KIF16B: variants seen among roughly 807,000 people sequenced by gnomAD.
The protein encoded by KIF16B is kinesin-like protein KIF16B.
KIF16B carries 98 observed loss-of-function variants against 156.3 expected under a neutral mutation model. The observed-to-expected ratio is 0.63, with a 90% confidence interval of 0.53 to 0.74. The LOEUF (loss-of-function observed/expected upper bound fraction) is 0.74, where lower values mean the gene tolerates loss of function less well. Among genes scored for constraint, KIF16B ranks in the 30% least tolerant of loss-of-function variants. The probability of loss-of-function intolerance (pLI) is 0.00; values close to 1 mark genes in which losing one functional copy is unlikely to be tolerated. For synonymous variants in KIF16B, 564 were observed against 583.7 expected, an observed-to-expected ratio of 0.97 and a Z score of 0.49; for missense variants, 1,421 against 1,606.5, an observed-to-expected ratio of 0.88 and a Z score of 1.97.
intron 15 of KIF16B, among the ~76,000 whole-genome samples, chr20:16,418,856 T>TC: frequency 6.6e-6 from 1 of 152,006 alleles, no homozygotes; most frequent in Non-Finnish European, 1.5e-5. Context: ...CTGTTCCCTT[T>TC]CCCCCTCCCT....
chr20:16,279,895 C>T (rs547155595), intron 25 of KIF16B, among the ~76,000 whole-genome samples: 3 of 152,304 alleles, frequency 2.0e-5, no homozygotes, highest in Admixed American at 1.3e-4. Context: ...GAACTCCCTA[C>T]AGCAATACAG....
intron 18 of KIF16B, among the ~76,000 whole-genome samples, chr20:16,381,017 T>C (rs574488699): frequency 2.6e-5 from 4 of 152,340 alleles, no homozygotes; most frequent in African/African-American, 9.6e-5. Context: ...AACATTTACT[T>C]TGCAGATTTT....
intron 22 of KIF16B, among the ~76,000 whole-genome samples, chr20:16,365,074 C>T (rs375098341): frequency 1.2e-4 from 19 of 152,116 alleles, no homozygotes; most frequent in African/African-American, 4.1e-4. Flanking sequence ...AAATTTATTC[C>T]CTCTGCCCTT....
intron 1 of KIF16B, among the ~76,000 whole-genome samples, chr20:16,547,406 C>T (rs763276212): frequency 2.6e-5 from 4 of 152,216 alleles, no homozygotes; most frequent in African/African-American, 9.6e-5. Flanking sequence ...GGCATGGGTG[C>T]CCACACCAAG....
At chr20:16,558,378 G>A (rs908097641) in intron 1 of KIF16B, among the ~76,000 whole-genome samples, 3 of 152,228 alleles carry the variant, frequency 2.0e-5, no homozygotes, top group East Asian at 3.9e-4. Flanking sequence ...AATGAAGGGT[G>A]AGCATTATTG....
intron 12 of KIF16B, among the ~76,000 whole-genome samples, chr20:16,431,936 A>ACACACACACACG (rs990835534): frequency 1.1e-3 from 164 of 151,206 alleles, no homozygotes; most frequent in African/African-American, 3.8e-3. Flanking sequence ...ACACACACAC[A>ACACACACACACG]CACGCACAAG....
intron 24 of KIF16B, among the ~76,000 whole-genome samples, chr20:16,320,443 A>C (rs1170595585): frequency 1.3e-5 from 2 of 152,220 alleles, no homozygotes; most frequent in Non-Finnish European, 2.9e-5. Context: ...AGCAGGACTT[A>C]AGAAAGAGGT....
At position 16,511,407 on chromosome 20, in the gene KIF16B, T is replaced by C. The variant is rs1358899541; in HGVS notation, c.556+11A>G. 2 of 1,429,488 alleles carry C rather than the reference T, an allele frequency of 1.4e-6. No individual in the cohort carries two copies. The highest frequency in any genetic ancestry group is 1.8e-4 in the Middle Eastern group (1 of 5,612). The allele number at this position is 1,429,488 out of a possible 1,614,324, so 88.6% of individuals were successfully genotyped here. ...ACAAAAAGAATATGGCTGTGAAATA[T>C]CTACTCTTACCCTCAACATAAGGGC... On this transcript the variant is annotated intron_variant, in intron 6 of 25. Transcript: ENST00000354981.
intron 22 of KIF16B, among the ~76,000 whole-genome samples, chr20:16,369,965 A>C (rs2064776753): frequency 1.3e-5 from 2 of 152,192 alleles, no homozygotes; most frequent in Non-Finnish European, 2.9e-5. Context: ...GGCTGCGGCC[A>C]AAGTCAGCTC....
At chr20:16,329,572 C>T (rs2063914308) in intron 24 of KIF16B, among the ~76,000 whole-genome samples, 1 of 152,164 alleles carries the variant, frequency 6.6e-6, no homozygotes, top group Admixed American at 6.5e-5. Context: ...GTATCTGAGG[C>T]TCTCACAATC....
intron 12 of KIF16B, among the ~76,000 whole-genome samples, chr20:16,466,032 G>A (rs2067481219): frequency 6.6e-6 from 1 of 152,146 alleles, no homozygotes; most frequent in Non-Finnish European, 1.5e-5. Flanking sequence ...TAGAAGTGCA[G>A]GACAGGAAAA....
intron 23 of KIF16B, among the ~76,000 whole-genome samples, chr20:16,354,466 A>C (rs77152943): frequency 0.012 from 1,663 of 133,380 alleles, 12 homozygotes; most frequent in Middle Eastern, 0.029. Context: ...ATATATGTAC[A>C]AATGGAATTC....
intron 1 of KIF16B, among the ~76,000 whole-genome samples, chr20:16,552,580 C>A (rs940707260): frequency 6.6e-6 from 1 of 152,174 alleles, no homozygotes; most frequent in Non-Finnish European, 1.5e-5. Flanking sequence ...CACAGCACCA[C>A]AGCATCCAGT....
At chr20:16,448,785 T>C (rs2067002033) in intron 12 of KIF16B, among the ~76,000 whole-genome samples, 1 of 151,988 alleles carries the variant, frequency 6.6e-6, no homozygotes, top group South Asian at 2.1e-4. Flanking sequence ...ATATTCAAGA[T>C]AGCAGAAATG....
chr20:16,348,947 A>G (rs570068933), intron 23 of KIF16B, among the ~76,000 whole-genome samples: 29 of 152,304 alleles, frequency 1.9e-4, no homozygotes, highest in African/African-American at 6.5e-4. Context: ...GATGACAGCT[A>G]AGTCTCCCCT....
chr20:16,389,097 A>G (rs2065300568), intron 17 of KIF16B, among the ~76,000 whole-genome samples: 1 of 152,096 alleles, frequency 6.6e-6, no homozygotes, highest in Non-Finnish European at 1.5e-5. Context: ...ATATTACTCT[A>G]TTATCTCAGT....
intron 24 of KIF16B, among the ~76,000 whole-genome samples, chr20:16,331,994 C>T (rs901874219): frequency 6.6e-6 from 1 of 151,934 alleles, no homozygotes; most frequent in Non-Finnish European, 1.5e-5. Flanking sequence ...AAGAACTTTA[C>T]AGGAAAAGAG....
intron 12 of KIF16B, among the ~76,000 whole-genome samples, chr20:16,465,233 C>T (rs923328672): frequency 1.3e-5 from 2 of 152,166 alleles, no homozygotes; most frequent in Non-Finnish European, 2.9e-5. Context: ...TTCTCTGCCT[C>T]AAGATAAAAA....
intron 1 of KIF16B, among the ~76,000 whole-genome samples, chr20:16,563,947 G>A (rs1041921431): frequency 2.5e-4 from 38 of 152,164 alleles, no homozygotes; most frequent in African/African-American, 8.9e-4. Flanking sequence ...GTCAGCAACA[G>A]CAGCAACTCT....
Sources: allele counts gnomAD v4.1 joint callset (sites outside exome capture counted in the v4.1 genomes callset), GRCh38; gene constraint gnomAD v4.1.1; transcripts MANE v1.5; gene names NCBI Gene and HGNC (gene_info 2026-07-23, HGNC 2026-07-21).